Variants in FDFT1 observed in about 807,000 individuals in gnomAD.
The protein encoded by FDFT1 is farnesyl-diphosphate farnesyltransferase 1, also known as squalene synthase.
FDFT1 carries 68 observed loss-of-function variants against 46.8 expected under a neutral mutation model. The ratio of observed to expected loss-of-function variants is 1.45; its 90% CI spans 1.19 to 1.78. FDFT1 has a LOEUF of 1.78. Ranked by LOEUF, FDFT1 falls within the 40% of genes most tolerant of loss-of-function variation. The pLI, the probability that FDFT1 is intolerant of heterozygous loss-of-function variation, is 0.00. For synonymous variants in FDFT1, 351 were observed against 185.1 expected, an observed-to-expected ratio of 1.90 and a Z score of -7.28; for missense variants, 928 against 524.4, an observed-to-expected ratio of 1.77 and a Z score of -7.52.
At chr8:11,795,588 A>G (rs989103109) in exon 1 of FDFT1, 13 of 141,518 alleles carry the variant, frequency 9.2e-5, no homozygotes, top group African/African-American at 2.8e-4. Context: ...CGGTGGCAAC[A>G]CGCTGGGTTT....
intron 3 of FDFT1, among the ~76,000 whole-genome samples, chr8:11,814,469 A>C (rs1236800682): frequency 6.6e-6 from 1 of 151,656 alleles, no homozygotes; most frequent in African/African-American, 2.4e-5. Context: ...TTTTCTGTAA[A>C]CACAGACCAG....
chr8:11,795,932 G>C (rs1483917293), exon 1 of FDFT1: 1 of 152,392 alleles, frequency 6.6e-6, no homozygotes, highest in African/African-American at 2.4e-5. Flanking sequence ...TCACCGCGAG[G>C]GTGGGCGGTT....
Position 11,809,118 on chromosome 8 carries a change from G to T in FDFT1, c.197+227G>T, listed in dbSNP as rs1358187289. 22 of 1,305,542 alleles carry T rather than the reference G, an allele frequency of 1.7e-5. No individual in the cohort carries two copies. The South Asian group carries it at 1.9e-4, about 12-fold the overall frequency. The allele number at this position is 1,305,542 out of a possible 1,614,324, so 80.9% of individuals were successfully genotyped here. A position where few individuals can be genotyped will look rare whatever the true frequency, so the allele number is the denominator to read the frequency against. On this transcript the variant is annotated intron_variant, in intron 2 of 7. Transcript: ENST00000220584. ...GCCTTTCAGAGAAGAGGGGGGAGGG[G>T]GTGATGTTTATTAACTTTTTTTAGT... is the stretch of plus-strand genomic sequence containing the variant.
At chr8:11,800,605 G>C (rs1806018172), upstream of FDFT1, among the ~76,000 whole-genome samples, 1 of 152,180 alleles carries the variant, frequency 6.6e-6, no homozygotes, top group East Asian at 1.9e-4. Context: ...AAGAGGAACA[G>C]GCTATGACCT....
upstream of FDFT1, among the ~76,000 whole-genome samples, chr8:11,801,429 C>T (rs1806107810): frequency 6.6e-6 from 1 of 152,198 alleles, no homozygotes; most frequent in African/African-American, 2.4e-5. Flanking sequence ...AAGCGATTCT[C>T]CTGCCTCAGC....
At chr8:11,818,098 C>G (rs977193722) in intron 3 of FDFT1, among the ~76,000 whole-genome samples, 3 of 152,178 alleles carry the variant, frequency 2.0e-5, no homozygotes, top group African/African-American at 4.8e-5. Flanking sequence ...ATCTTTATTT[C>G]TGCTTTCATT....
At chr8:11,821,247 A>G (rs954093357) in intron 3 of FDFT1, among the ~76,000 whole-genome samples, 1 of 152,244 alleles carries the variant, frequency 6.6e-6, no homozygotes, top group Non-Finnish European at 1.5e-5. Context: ...ATCTAGAAAC[A>G]TTAGCATTTT....
intron 3 of FDFT1, 148 bp from the exon 4 acceptor site, chr8:11,821,602 C>T (rs1809255612): frequency 2.1e-6 from 2 of 944,280 alleles, no homozygotes; most frequent in South Asian, 1.5e-5. Flanking sequence ...AAAACAAAAA[C>T]AAAAACAAAA....
chr8:11,809,835 G>T lies in FDFT1; in HGVS notation c.366G>T (p.Leu122=), dbSNP rs143137518. ...GCAAGGAGAAGGATCGCCAGGTGCT[G>T]GAGGACTTCCCAACGGTGAGTGGGG... ...MESKEKDRQV[L]EDFPTISLEF... is the part of the protein sequence containing the mutation. The change falls in exon 3 of 8, where the codon CTG becomes CTT. Residue 122 remains leucine, a synonymous_variant. Coordinates refer to ENST00000220584, the MANE Select transcript of FDFT1 (RefSeq NM_004462.5). 21 of 1,613,250 alleles carry T rather than the reference G, an allele frequency of 1.3e-5. No individual in the cohort carries two copies. Among genetic ancestry groups the T allele is most frequent in the Non-Finnish European group, 1.7e-5 (20 of 1,179,590 alleles).
chr8:11,826,186 C>T lies in FDFT1; in HGVS notation c.673C>T (p.Gln225Ter). Residue 225 changes from glutamine (Q) to a stop codon, truncating the protein, a stop_gained, in exon 5 of 8, where the codon CAA becomes TAA. Coordinates refer to ENST00000220584, the MANE Select transcript of FDFT1 (RefSeq NM_004462.5). LOFTEE classifies it high-confidence loss of function. ...NIIRDYLEDQ[Q>*]GGREFWPQEV... ...CATCCGTGACTATCTGGAAGACCAGCAAGGAGGAAGAGAGTTCTGGCCTCA... is the reference window on the plus strand; with the variant it reads ...CATCCGTGACTATCTGGAAGACCAGTAAGGAGGAAGAGAGTTCTGGCCTCA... 1 of 1,578,976 alleles carries T rather than the reference C, an allele frequency of 6.3e-7. No individual in the cohort carries two copies. Among genetic ancestry groups the T allele is most frequent in the Non-Finnish European group, 8.7e-7 (1 of 1,154,350 alleles).
chr8:11,827,267 G>C (rs1367776414), intron 5 of FDFT1, among the ~76,000 whole-genome samples: 1 of 152,148 alleles, frequency 6.6e-6, no homozygotes, highest in East Asian at 1.9e-4. Context: ...GAGCAACACA[G>C]CAAGATACCA....
At chr8:11,810,958 A>G (rs1457835323) in intron 3 of FDFT1, among the ~76,000 whole-genome samples, 1 of 134,174 alleles carries the variant, frequency 7.5e-6, no homozygotes, top group African/African-American at 2.7e-5. Context: ...AAAAAAAAAA[A>G]GGAATGTTTG....
At chr8:11,808,591 C>T (rs1044360036) in intron 1 of FDFT1, 7 of 1,386,896 alleles carry the variant, frequency 5.0e-6, no homozygotes, top group African/African-American at 3.1e-5. Flanking sequence ...CCCGCCGCGG[C>T]GCCCAGGGGC....
chr8:11,830,291 G>T lies in FDFT1; in HGVS notation c.750G>T (p.Glu250Asp). Residue 250 changes from glutamate (E) to aspartate (D), a missense_variant, in exon 6 of 8, where the codon GAG becomes GAT. By Grantham distance (45) the Glu-to-Asp change is conservative. Transcript: ENST00000220584. Reference sequence around the variant, plus strand: ...AGTTAGGGGATTTTGCTAAGCCGGAGAATATTGACTTGGCCGTGCAGTGCC... The same window carrying T: ...AGTTAGGGGATTTTGCTAAGCCGGATAATATTGACTTGGCCGTGCAGTGCC... ...VKKLGDFAKP[E>D]NIDLAVQCLN... 1 of 1,614,044 alleles carries T rather than the reference G, an allele frequency of 6.2e-7. No individual in the cohort carries two copies. Among genetic ancestry groups the T allele is most frequent in the Non-Finnish European group, 8.5e-7 (1 of 1,179,914 alleles).
chr8:11,838,733 C>A lies in FDFT1; in HGVS notation c.*124C>A. 1.3e-6 allele frequency: 1 copy of A among 793,058 alleles called. No homozygotes were observed. The highest frequency in any genetic ancestry group is 2.1e-6 in the Non-Finnish European group (1 of 476,822). 49.1% of individuals were successfully genotyped at this position (793,058 alleles called of 1,614,324 possible). The stretch of plus-strand genomic sequence containing the variant: ...TAATCCCTAAAAGAACGCTGTGTGG[C>A]TGGGACCTTTAGGAAAGTGAAATGC... On this transcript the variant is annotated 3_prime_UTR_variant, in exon 8 of 8. Transcript: ENST00000220584.
chr8:11,803,273 C>T (rs1434265014), intron 1 of FDFT1: 24 of 1,335,580 alleles, frequency 1.8e-5, no homozygotes, highest in Non-Finnish European at 2.3e-5. Context: ...GGGTGGGTTA[C>T]GCGGGAGAGG....
At chr8:11,816,458 C>T (rs188707301) in intron 3 of FDFT1, among the ~76,000 whole-genome samples, 4 of 152,158 alleles carry the variant, frequency 2.6e-5, no homozygotes, top group African/African-American at 9.7e-5. Flanking sequence ...TTACCTTGGG[C>T]AGTATAGCCA....
intron 3 of FDFT1, among the ~76,000 whole-genome samples, chr8:11,819,182 C>G (rs1405881049): frequency 6.6e-6 from 1 of 152,190 alleles, no homozygotes; most frequent in Non-Finnish European, 1.5e-5. Context: ...GGCCCCCACT[C>G]TCTTCTGGCT....
intron 6 of FDFT1, 74 bp downstream of exon 6, chr8:11,830,494 T>G (rs1054374778): frequency 1.9e-6 from 2 of 1,079,298 alleles, no homozygotes; most frequent in Non-Finnish European, 2.8e-6. Context: ...GATTTTGCTG[T>G]GCTATATTCA....
Sources: allele counts gnomAD v4.1 joint callset (sites outside exome capture counted in the v4.1 genomes callset), GRCh38; gene constraint gnomAD v4.1.1; transcripts MANE v1.5; gene names NCBI Gene and HGNC (gene_info 2026-07-23, HGNC 2026-07-21).